Variants in ACLY observed in about 807,000 individuals in gnomAD.
ACLY encodes ATP citrate lyase.
In ACLY, 41 loss-of-function variants were observed where a neutral mutation model predicts 133.0. The ratio of observed to expected loss-of-function variants is 0.31; its 90% CI spans 0.24 to 0.40. The LOEUF (loss-of-function observed/expected upper bound fraction) is 0.40. Ranked by LOEUF, ACLY falls within the 10% of genes least tolerant of loss-of-function variation. The probability of loss-of-function intolerance (pLI) is 1.00; values close to 1 mark genes in which losing one functional copy is unlikely to be tolerated. For synonymous variants in ACLY, 495 were observed against 549.3 expected, an observed-to-expected ratio of 0.90 and a Z score of 1.38; for missense variants, 1,046 against 1,453.8, an observed-to-expected ratio of 0.72 and a Z score of 4.56.
At chr17:41,897,704 C>T (rs1375651632) in intron 13 of ACLY, 45 bp downstream of exon 13, 28 of 1,554,384 alleles carry the variant, frequency 1.8e-5, no homozygotes, top group East Asian at 4.6e-5. Context: ...CAGAGGGTAC[C>T]GCAAGGCCAC....
In ACLY at chr17:41,918,937, C is replaced by T. The variant is rs1555634982; in HGVS notation, c.-81G>A. On this transcript the variant is annotated 5_prime_UTR_variant, in exon 1 of 29. Coordinates refer to ENST00000352035, the MANE Select transcript of ACLY (RefSeq NM_001096.3). Reference sequence around the variant, plus strand: ...ACAGGCCCGACGAACCCCGCAAAATCCGGAGCACCCCAGCAGCCGGTAGCT... The same window carrying T: ...ACAGGCCCGACGAACCCCGCAAAATTCGGAGCACCCCAGCAGCCGGTAGCT... The T allele has an allele frequency of 3.1e-6, 4 of 1,289,412 alleles. No individual in the cohort carries two copies. The highest frequency in any genetic ancestry group is 4.0e-6 in the Non-Finnish European group (4 of 988,718). The allele number at this position is 1,289,412 out of a possible 1,614,324, so 79.9% of individuals were successfully genotyped here. A position where few individuals can be genotyped will look rare whatever the true frequency, so the allele number is the denominator to read the frequency against.
At position 41,892,331 on chromosome 17, in the gene ACLY, G is replaced by A; in HGVS notation, c.1718C>T (p.Ala573Val). 1 of 1,611,724 alleles carries A rather than the reference G, an allele frequency of 6.2e-7. No individual in the cohort carries two copies. Among genetic ancestry groups the A allele is most frequent in the Non-Finnish European group, 8.5e-7 (1 of 1,179,378 alleles). Residue 573 changes from alanine (A) to valine (V), a missense_variant, in exon 16 of 29, where the codon GCC (alanine) becomes GTC (valine). By Grantham distance (64) the Ala-to-Val change is moderately conservative. Around this residue, in one of 4 missense-constraint regions of ACLY, gnomAD observed 575 missense variants for 804.2 expected, o/e 0.71. Transcript: ENST00000352035. The part of the protein sequence containing the change: ...HPEVDVLINF[A>V]SLRSAYDSTM... ...GCTGTCATAGGCAGAGCGGAGAGAGGCAAAGTTGATGAGCACATCTACCTC... is the reference window on the plus strand; with the variant it reads ...GCTGTCATAGGCAGAGCGGAGAGAGACAAAGTTGATGAGCACATCTACCTC...
chr17:41,897,029 A>T (rs2049387520), intron 13 of ACLY, among the ~76,000 whole-genome samples: 1 of 152,190 alleles, frequency 6.6e-6, no homozygotes, highest in Non-Finnish European at 1.5e-5. Context: ...TGTCTCCATG[A>T]AACACTATGA....
intron 22 of ACLY, among the ~76,000 whole-genome samples, chr17:41,874,389 T>C (rs1290824582): frequency 1.3e-5 from 2 of 152,122 alleles, no homozygotes; most frequent in African/African-American, 4.8e-5. Context: ...TGCCCAGCTA[T>C]GCCTCCCAGT....
intron 22 of ACLY, among the ~76,000 whole-genome samples, chr17:41,876,750 C>T (rs1555626259): frequency 2.0e-5 from 3 of 152,246 alleles, no homozygotes; most frequent in Admixed American, 2.0e-4. Flanking sequence ...TCCCTAATCT[C>T]AAGTACCCAC....
intron 24 of ACLY, 85 bp from the exon 25 acceptor site, chr17:41,871,917 C>T: frequency 6.3e-7 from 1 of 1,596,566 alleles, no homozygotes; most frequent in South Asian, 1.1e-5. Flanking sequence ...CCCGAACGGC[C>T]CTGAGCACTG....
chr17:41,893,253 A>AC, intron 14 of ACLY, 79 bp from the exon 15 acceptor site: 1 of 1,482,224 alleles, frequency 6.7e-7, no homozygotes, highest in Non-Finnish European at 9.1e-7. Context: ...TGCCTGACAG[A>AC]CCCCTCCACG....
intron 16 of ACLY, among the ~76,000 whole-genome samples, chr17:41,889,644 G>C (rs1303452456): frequency 6.9e-6 from 1 of 144,118 alleles, no homozygotes; most frequent in Admixed American, 7.2e-5. Context: ...ACTGAAATAA[G>C]CCAGTCTGGG....
At chr17:41,871,615 A>G in intron 25 of ACLY, 74 bp downstream of exon 25, 2 of 1,584,590 alleles carry the variant, frequency 1.3e-6, no homozygotes, top group East Asian at 2.2e-5. Context: ...TTGGCCTCCC[A>G]AAGTGCTGTG....
chr17:41,916,156 G>C (rs536447294), intron 1 of ACLY, among the ~76,000 whole-genome samples: 1 of 152,190 alleles, frequency 6.6e-6, no homozygotes, highest in East Asian at 1.9e-4. Flanking sequence ...AGACACAATG[G>C]GATAATACAG....
chr17:41,900,287 C>T (rs1166806852), intron 11 of ACLY, among the ~76,000 whole-genome samples: 1 of 148,438 alleles, frequency 6.7e-6, no homozygotes, highest in South Asian at 2.2e-4. Flanking sequence ...GGCGTGGACC[C>T]GGGAGGCGGA....
chr17:41,895,068 A>T (rs1457808307), intron 14 of ACLY, among the ~76,000 whole-genome samples: 1 of 152,148 alleles, frequency 6.6e-6, no homozygotes. Context: ...GAACAAGGGG[A>T]GCCACCTAAT....
intron 18 of ACLY, 81 bp downstream of exon 18, chr17:41,886,031 G>T: frequency 1.4e-6 from 2 of 1,411,446 alleles, no homozygotes; most frequent in Non-Finnish European, 2.0e-6. Flanking sequence ...GGGGCAGCAA[G>T]CAGCCTGCAG....
At chr17:41,911,509 C>T (rs1376840612) in intron 3 of ACLY, among the ~76,000 whole-genome samples, 1 of 152,210 alleles carries the variant, frequency 6.6e-6, no homozygotes, top group Non-Finnish European at 1.5e-5. Context: ...AATTCATCAC[C>T]AAGCTGGGAG....
At chr17:41,919,431 ACAGTCTC>A (rs2050146687), upstream of ACLY, among the ~76,000 whole-genome samples, 1 of 152,208 alleles carries the variant, frequency 6.6e-6, no homozygotes, top group South Asian at 2.1e-4. Flanking sequence ...GATTGCTTAG[ACAGTCTC>A]CTTAAGCAGC....
In ACLY at chr17:41,871,677, G is replaced by C; in HGVS notation, c.2937+12C>G. ...GCCTCCATCCCACTTTTTTAGGAGA[G>C]TAACAACTCACCGACTTCACTCGGT... On this transcript the variant is annotated intron_variant, in intron 25 of 28. Transcript: ENST00000352035. 6.2e-7 allele frequency: 1 copy of C among 1,613,890 alleles called. No individual in the cohort carries two copies. The highest frequency in any genetic ancestry group is 1.7e-5 in the Admixed American group (1 of 59,996).
At position 41,906,602 on chromosome 17, in the gene ACLY, C is replaced by T; in HGVS notation, c.792G>A (p.Leu264=). The change falls in exon 8 of 29, where the codon CTG becomes CTA. Residue 264 remains leucine (L), a synonymous_variant. Transcript: ENST00000352035. ...ADLDAKSGAS[L]KLTLLNPKGR... is the part of the protein sequence containing the mutation. Reference sequence around the variant, plus strand: ...CTTTGGGGTTCAGCAAGGTCAGCTTCAGGCTTGCCCCACTTTTGGCATCGA... The same window carrying T: ...CTTTGGGGTTCAGCAAGGTCAGCTTTAGGCTTGCCCCACTTTTGGCATCGA... 1 of 1,614,248 alleles carries T rather than the reference C, an allele frequency of 6.2e-7. No individual in the cohort carries two copies. Among genetic ancestry groups the T allele is most frequent in the South Asian group, 1.1e-5 (1 of 91,084 alleles).
At chr17:41,925,434 CAAAAAAAA>C (rs34698648) in intron 1 of ACLY, among the ~76,000 whole-genome samples, 1 of 111,046 alleles carries the variant, frequency 9.0e-6, no homozygotes, top group African/African-American at 3.4e-5. Flanking sequence ...CCTTCTCTAC[CAAAAAAAA>C]AAAAAAAAAA....
At chr17:41,904,144 G>A (rs868936392) in intron 10 of ACLY, among the ~76,000 whole-genome samples, 58 of 134,300 alleles carry the variant, frequency 4.3e-4, no homozygotes, top group African/African-American at 1.6e-3. Flanking sequence ...AGGGAAGGAG[G>A]AAAGGAGGGA....
Sources: allele counts gnomAD v4.1 joint callset (sites outside exome capture counted in the v4.1 genomes callset), GRCh38; gene constraint gnomAD v4.1.1; regional missense constraint gnomAD v4.1.1; transcripts MANE v1.5; gene names NCBI Gene and HGNC (gene_info 2026-07-23, HGNC 2026-07-21).